PHACTR3: variants seen among roughly 807,000 people sequenced by gnomAD.
PHACTR3 encodes phosphatase and actin regulator 3, also known as protein phosphatase 1, regulatory subunit 123.
In PHACTR3, 16 loss-of-function variants were observed where a neutral mutation model predicts 66.8. The ratio of observed to expected loss-of-function variants is 0.24; its 90% CI spans 0.16 to 0.36. The LOEUF (loss-of-function observed/expected upper bound fraction) is 0.36, where lower values mean the gene tolerates loss of function less well. Among genes scored for constraint, PHACTR3 ranks in the 10% least tolerant of loss-of-function variants. The pLI, the probability that PHACTR3 is intolerant of heterozygous loss-of-function variation, is 1.00. For synonymous variants in PHACTR3, 323 were observed against 292.1 expected (o/e 1.11, Z -1.08); for missense variants, 647 against 719.9 (o/e 0.90, Z 1.16).
At chr20:59,672,252 CTGCGCATCCCTGCGTTGGAGTCACAG>C (rs2036220342) in intron 1 of PHACTR3, among the ~76,000 whole-genome samples, 1 of 152,256 alleles carries the variant, frequency 6.6e-6, no homozygotes, top group Non-Finnish European at 1.5e-5. Flanking sequence ...ATTGCTGAGG[CTGCGCATCCCTGCGTTGGAGTCACAG>C]TGCCCTGAGT....
At chr20:59,597,964 C>T (rs920707306) in intron 1 of PHACTR3, among the ~76,000 whole-genome samples, 3 of 152,246 alleles carry the variant, frequency 2.0e-5, no homozygotes, top group Non-Finnish European at 4.4e-5. Flanking sequence ...GCCTGTTCCT[C>T]TCCTTTCATT....
chr20:59,637,775 G>A (rs1488136604), intron 1 of PHACTR3, among the ~76,000 whole-genome samples: 1 of 151,924 alleles, frequency 6.6e-6, no homozygotes, highest in East Asian at 1.9e-4. Flanking sequence ...TATTGTGGTT[G>A]ATGTGGCTGC....
At chr20:59,683,858 G>T (rs1318822161) in intron 1 of PHACTR3, among the ~76,000 whole-genome samples, 4 of 152,200 alleles carry the variant, frequency 2.6e-5, no homozygotes, top group South Asian at 4.1e-4. Flanking sequence ...CCTGGCCCTT[G>T]GGGAGATGCT....
At chr20:59,711,699 A>G (rs759312689) in intron 1 of PHACTR3, among the ~76,000 whole-genome samples, 2 of 152,214 alleles carry the variant, frequency 1.3e-5, no homozygotes, top group African/African-American at 2.4e-5. Flanking sequence ...AATATCTCAT[A>G]TAATTTATCA....
chr20:59,659,911 G>A (rs748960877), intron 1 of PHACTR3, among the ~76,000 whole-genome samples: 28 of 152,184 alleles, frequency 1.8e-4, no homozygotes, highest in Non-Finnish European at 3.7e-4. Context: ...TCCCACTGGA[G>A]TGCTCCCTCT....
intron 7 of PHACTR3, among the ~76,000 whole-genome samples, chr20:59,786,471 CAGCAGCCCAGGG>C (rs1260823879): frequency 3.9e-5 from 6 of 152,234 alleles, no homozygotes; most frequent in African/African-American, 1.4e-4. Flanking sequence ...GGTCCATCCA[CAGCAGCCCAGGG>C]AGCAGCCCTG....
chr20:59,648,497 T>C (rs751640356), intron 1 of PHACTR3, among the ~76,000 whole-genome samples: 12 of 152,186 alleles, frequency 7.9e-5, no homozygotes, highest in Non-Finnish European at 1.6e-4. Context: ...TCTCAGAGTC[T>C]TTAAAAAACA....
chr20:59,592,398 T>A (rs1225591743), intron 1 of PHACTR3, among the ~76,000 whole-genome samples: 2 of 151,958 alleles, frequency 1.3e-5, no homozygotes, highest in Non-Finnish European at 2.9e-5. Flanking sequence ...ATTATCAACA[T>A]CCCCCACCAG....
intron 1 of PHACTR3, among the ~76,000 whole-genome samples, chr20:59,709,347 G>A (rs558170041): frequency 6.6e-6 from 1 of 152,320 alleles, no homozygotes; most frequent in South Asian, 2.1e-4. Context: ...GTCCTAGTTT[G>A]CTAACACCAC....
At chr20:59,596,568 T>C (rs1191746384) in intron 1 of PHACTR3, among the ~76,000 whole-genome samples, 6 of 152,390 alleles carry the variant, frequency 3.9e-5, no homozygotes, top group Non-Finnish European at 8.8e-5. Context: ...TTTGTGAATG[T>C]AGCTCAATTT....
intron 1 of PHACTR3, among the ~76,000 whole-genome samples, chr20:59,580,243 G>T (rs1307069013): frequency 6.6e-6 from 1 of 152,044 alleles, no homozygotes; most frequent in Admixed American, 6.6e-5. Flanking sequence ...CAAGGGTCCC[G>T]GCACCCAAGG....
At chr20:59,703,863 A>G (rs2426817) in intron 1 of PHACTR3, among the ~76,000 whole-genome samples, 115,816 of 152,052 alleles carry the variant, frequency 0.76, 44,321 homozygotes, top group African/African-American at 0.82. Flanking sequence ...ATATTTCAAA[A>G]CAAAGTCTAG....
chr20:59,799,429 C>A (rs1029270235), intron 7 of PHACTR3, among the ~76,000 whole-genome samples: 10 of 152,080 alleles, frequency 6.6e-5, no homozygotes, highest in African/African-American at 2.4e-4. Flanking sequence ...AATTCTGTCA[C>A]TTTTTGCTTT....
At chr20:59,755,035 G>T in intron 3 of PHACTR3, 147 bp from the exon 4 acceptor site, 1 of 755,982 alleles carries the variant, frequency 1.3e-6, no homozygotes, top group Non-Finnish European at 2.1e-6. Flanking sequence ...GACTTGGAGA[G>T]GGACTCCTAG....
intron 8 of PHACTR3, among the ~76,000 whole-genome samples, chr20:59,809,797 T>C (rs547218773): frequency 6.6e-6 from 1 of 152,288 alleles, no homozygotes; most frequent in East Asian, 1.9e-4. Context: ...ATGAAGTAGC[T>C]GTAGACAATC....
intron 7 of PHACTR3, among the ~76,000 whole-genome samples, chr20:59,796,346 C>T (rs1034794550): frequency 2.0e-5 from 3 of 151,840 alleles, no homozygotes; most frequent in Admixed American, 2.0e-4. Flanking sequence ...TATTTTTGAC[C>T]ATTTTGATTT....
intron 1 of PHACTR3, among the ~76,000 whole-genome samples, chr20:59,708,846 C>T (rs548091325): frequency 8.5e-5 from 13 of 152,300 alleles, no homozygotes; most frequent in African/African-American, 2.6e-4. Context: ...AGAAAAGGGA[C>T]GATGAACTGT....
At chr20:59,693,127 C>A (rs1166087472) in intron 1 of PHACTR3, among the ~76,000 whole-genome samples, 1 of 152,140 alleles carries the variant, frequency 6.6e-6, no homozygotes, top group Non-Finnish European at 1.5e-5. Flanking sequence ...TGCCTCCACT[C>A]TGAAGTGGGG....
chr20:59,808,886 T>G (rs2041650209), intron 8 of PHACTR3, among the ~76,000 whole-genome samples: 1 of 152,120 alleles, frequency 6.6e-6, no homozygotes, highest in South Asian at 2.1e-4. Flanking sequence ...CCGTCCCGTG[T>G]GTGTAGTGTG....
Sources: allele counts gnomAD v4.1 joint callset (sites outside exome capture counted in the v4.1 genomes callset), GRCh38; gene constraint gnomAD v4.1.1; transcripts MANE v1.5; gene names NCBI Gene and HGNC (gene_info 2026-07-23, HGNC 2026-07-21).